The following TYW1 variants were observed in gnomAD, a reference collection of about 807,000 sequenced individuals.
TYW1 encodes tRNA-yW synthesizing protein 1 homolog.
Under a neutral mutation model 96.2 loss-of-function variants are expected in TYW1, and 46 were observed. The observed-to-expected ratio is 0.48, with a 90% CI of 0.38 to 0.61. The LOEUF is 0.61. Among genes scored for constraint, TYW1 ranks in the 20% least tolerant of loss-of-function variants. The pLI, the probability that TYW1 is intolerant of heterozygous loss-of-function variation, is 0.00. For missense variants in TYW1, 684 were observed against 909.6 expected (o/e 0.75, Z 3.19); for synonymous variants, 274 against 323.0 (o/e 0.85, Z 1.63).
At chr7:67,066,807 C>G (rs1434828579) in intron 9 of TYW1, among the ~76,000 whole-genome samples, 2 of 152,126 alleles carry the variant, frequency 1.3e-5, no homozygotes, top group African/African-American at 4.8e-5. Context: ...ATGATTGTAC[C>G]ACTGCACTCC....
rs185323139 is a variant in TYW1 at position 67,158,244 on chromosome 7, A to C, written c.1699-24882A>C. On this transcript the variant is annotated intron_variant, in intron 13 of 15. Coordinates refer to ENST00000359626, the MANE Select transcript of TYW1 (RefSeq NM_018264.4). ...GCTGGGATTACAGGTGTGCGCCACC[A>C]CATGTGGCTAATTTTTGTATTTTTA... 3.7e-3 allele frequency among the ~76,000 whole-genome samples: 555 copies of C among 151,884 alleles called. 5 individuals are homozygous for C. The highest frequency in any genetic ancestry group is 0.012 in the African/African-American group (511 of 41,414).
intron 10 of TYW1, among the ~76,000 whole-genome samples, chr7:67,069,565 C>G (rs2115684213): frequency 6.6e-6 from 1 of 152,198 alleles, no homozygotes; most frequent in East Asian, 1.9e-4. Context: ...ATGACGAAAC[C>G]TTGTCTCTAC....
intron 15 of TYW1, among the ~76,000 whole-genome samples, chr7:67,215,441 G>T (rs1312061461): frequency 2.6e-5 from 4 of 151,764 alleles, no homozygotes; most frequent in Non-Finnish European, 5.9e-5. Flanking sequence ...TGGACAAAAT[G>T]AATTTTTCTT....
At chr7:67,062,425 T>C (rs1795721072) in intron 9 of TYW1, among the ~76,000 whole-genome samples, 1 of 151,616 alleles carries the variant, frequency 6.6e-6, no homozygotes, top group Non-Finnish European at 1.5e-5. Context: ...AAAAAAGTAC[T>C]TGTTGAAGTC....
intron 9 of TYW1, among the ~76,000 whole-genome samples, chr7:67,065,120 T>C (rs35644973): frequency 0.38 from 57,600 of 152,068 alleles, 11,238 homozygotes; most frequent in African/African-American, 0.46. Flanking sequence ...GGTCCTTTGG[T>C]GAAGCTACCT....
At chr7:67,149,776 C>CTATCTA (rs1563041677) in intron 13 of TYW1, among the ~76,000 whole-genome samples, 863 of 55,600 alleles carry the variant, frequency 0.016, 6 homozygotes, top group Middle Eastern at 0.042. Flanking sequence ...CTATCTATCT[C>CTATCTA]TCTATGTTAA....
chr7:67,168,931 C>T (rs62464975), intron 13 of TYW1, among the ~76,000 whole-genome samples: 6,137 of 152,126 alleles, frequency 0.04, 181 homozygotes, highest in Middle Eastern at 0.1. Context: ...AGGCTGGTCT[C>T]GAACTCCTGA....
intron 13 of TYW1, among the ~76,000 whole-genome samples, chr7:67,151,652 A>G (rs938174893): frequency 6.6e-6 from 1 of 152,248 alleles, no homozygotes; most frequent in African/African-American, 2.4e-5. Context: ...TTATTGTGTC[A>G]GATGGCAGAA....
intron 7 of TYW1, among the ~76,000 whole-genome samples, chr7:67,044,760 T>C (rs1795135872): frequency 6.6e-6 from 1 of 151,924 alleles, no homozygotes; most frequent in Non-Finnish European, 1.5e-5. Context: ...GCTGAAATTA[T>C]AGGCCTTTGC....
At chr7:67,092,445 T>A (rs1017972729) in intron 11 of TYW1, among the ~76,000 whole-genome samples, 2 of 151,718 alleles carry the variant, frequency 1.3e-5, no homozygotes, top group African/African-American at 4.9e-5. Context: ...TCAGGTTCCC[T>A]AGACATAATC....
At chr7:66,997,549 G>T (rs1279746890) in intron 1 of TYW1, among the ~76,000 whole-genome samples, 1 of 152,096 alleles carries the variant, frequency 6.6e-6, no homozygotes, top group Non-Finnish European at 1.5e-5. Context: ...TTTATATTCT[G>T]TTTTTTCTTT....
At chr7:66,997,320 T>TA (rs35598285) in intron 1 of TYW1, among the ~76,000 whole-genome samples, 29 of 149,448 alleles carry the variant, frequency 1.9e-4, no homozygotes, top group East Asian at 3.9e-4. Flanking sequence ...ATATCTCTCT[T>TA]AAAAAAAAAA....
chr7:67,226,624 T>C (rs1801567717), intron 15 of TYW1, among the ~76,000 whole-genome samples: 1 of 152,182 alleles, frequency 6.6e-6, no homozygotes. Context: ...GGGACACCGA[T>C]TTGAGTAATC....
At chr7:67,209,003 T>C (rs1244552530) in intron 15 of TYW1, among the ~76,000 whole-genome samples, 1 of 152,236 alleles carries the variant, frequency 6.6e-6, no homozygotes, top group African/African-American at 2.4e-5. Context: ...CATGTAGATA[T>C]TATGTCAGAG....
At position 67,001,482 on chromosome 7, in the gene TYW1, C is replaced by T. The variant is rs529757412; in HGVS notation, c.273+2528C>T. ...GTGTCGCCAGGCTGGAGTGCAGTGG[C>T]GCGATCTCGGCTCACTGCAACCTCT... On this transcript the variant is annotated intron_variant, in intron 3 of 15. Transcript: ENST00000359626. Among the ~76,000 whole-genome samples the T allele has an allele frequency of 8.7e-4, 132 of 151,336 alleles. 1 individual carries two copies. The highest frequency in any genetic ancestry group is 3.0e-3 in the African/African-American group (123 of 41,410).
At position 67,034,115 on chromosome 7, in the gene TYW1, T is replaced by A. The variant is rs1165793527; in HGVS notation, c.984+9093T>A. On this transcript the variant is annotated intron_variant, in intron 7 of 15. Coordinates refer to ENST00000359626, the MANE Select transcript of TYW1 (RefSeq NM_018264.4). ...ATTTATTTATTTTTATTTTATTTTT[T>A]TTTTTTGAGATGGAGTCTTGCTCTG... is the stretch of plus-strand genomic sequence containing the variant. Among the ~76,000 whole-genome samples, 90 of 151,560 alleles carry A rather than the reference T, an allele frequency of 5.9e-4. 1 individual carries two copies. The highest frequency in any genetic ancestry group is 2.1e-3 in the East Asian group (11 of 5,168).
intron 15 of TYW1, among the ~76,000 whole-genome samples, chr7:67,224,429 T>C (rs780091988): frequency 1.3e-5 from 2 of 152,324 alleles, no homozygotes; most frequent in Non-Finnish European, 2.9e-5. Flanking sequence ...GCCCGGCCAA[T>C]ACTTGTTTAG....
intron 13 of TYW1, among the ~76,000 whole-genome samples, chr7:67,139,153 A>G (rs1175440175): frequency 6.6e-6 from 1 of 152,138 alleles, no homozygotes; most frequent in Non-Finnish European, 1.5e-5. Flanking sequence ...CCTGGGTTCA[A>G]GCAATTCTCC....
At chr7:67,016,550 A>C (rs1332038963) in intron 5 of TYW1, among the ~76,000 whole-genome samples, 1 of 152,166 alleles carries the variant, frequency 6.6e-6, no homozygotes, top group African/African-American at 2.4e-5. Flanking sequence ...TCTGTCTCAA[A>C]AAAAATAAAT....
Sources: allele counts gnomAD v4.1 joint callset (sites outside exome capture counted in the v4.1 genomes callset), GRCh38; gene constraint gnomAD v4.1.1; transcripts MANE v1.5; gene names NCBI Gene and HGNC (gene_info 2026-07-23, HGNC 2026-07-21).